The following RGS7 variants were observed in gnomAD, a reference collection of about 807,000 sequenced individuals.
RGS7 encodes regulator of G protein signaling 7.
In RGS7, 27 loss-of-function variants were observed where a neutral mutation model predicts 81.1. The ratio of observed to expected loss-of-function variants is 0.33; its 90% confidence interval spans 0.25 to 0.46. The LOEUF is 0.46. Ranked by LOEUF, RGS7 falls within the 20% of genes least tolerant of loss-of-function variation. The probability of loss-of-function intolerance (pLI) is 1.00; values close to 1 mark genes in which losing one functional copy is unlikely to be tolerated. For missense variants in RGS7, 396 were observed against 607.4 expected (o/e 0.65, Z 3.66); for synonymous variants, 208 against 207.7 (o/e 1.00, Z -0.01).
chr1:241,294,907 C>T (rs2079308627), intron 2 of RGS7, among the ~76,000 whole-genome samples: 2 of 152,114 alleles, frequency 1.3e-5, no homozygotes, highest in South Asian at 4.1e-4. Flanking sequence ...TGTTAGTCAA[C>T]TAAAGAAACA....
intron 6 of RGS7, among the ~76,000 whole-genome samples, chr1:240,871,574 C>T (rs537312153): frequency 8.5e-5 from 13 of 152,130 alleles, no homozygotes; most frequent in Non-Finnish European, 1.3e-4. Context: ...TATTGTTCTA[C>T]TAATATTAGT....
chr1:241,308,277 G>C (rs914184155), intron 2 of RGS7, among the ~76,000 whole-genome samples: 1 of 152,172 alleles, frequency 6.6e-6, no homozygotes, highest in Non-Finnish European at 1.5e-5. Context: ...AGTCCATTGA[G>C]AATAGAAGTA....
At chr1:241,263,852 G>C (rs189125662) in intron 2 of RGS7, among the ~76,000 whole-genome samples, 3 of 152,150 alleles carry the variant, frequency 2.0e-5, no homozygotes, top group Non-Finnish European at 2.9e-5. Context: ...CAGAAAGAGG[G>C]AACCAGGCCT....
At chr1:240,832,533 T>C (rs1694017757) in intron 9 of RGS7, among the ~76,000 whole-genome samples, 1 of 151,882 alleles carries the variant, frequency 6.6e-6, no homozygotes, top group South Asian at 2.1e-4. Flanking sequence ...GAAGCTGGAG[T>C]TTTTGGTTTC....
Position 241,092,711 on chromosome 1 carries a change from G to A in RGS7, c.175+5955C>T, listed in dbSNP as rs74625073. ...AGATGTATATCCCCACTTGTATGGG[G>A]CAGATTCCGGGCAAAACCACTCCTT... is the stretch of plus-strand genomic sequence containing the variant. On this transcript the variant is annotated intron_variant, in intron 3 of 18. Coordinates refer to ENST00000440928, the MANE Select transcript of RGS7 (RefSeq NM_001364886.1). Among the ~76,000 whole-genome samples the A allele has an allele frequency of 3.3e-3, 497 of 152,186 alleles. 7 individuals carry two copies. The highest frequency in any genetic ancestry group is 0.018 in the Admixed American group (272 of 15,270).
chr1:240,933,016 T>C (rs1453539043), intron 5 of RGS7, among the ~76,000 whole-genome samples: 8 of 148,724 alleles, frequency 5.4e-5, no homozygotes, highest in South Asian at 2.1e-4. Context: ...CCCGAGTAGC[T>C]GGGACTACAG....
chr1:240,823,351 G>A, intron 10 of RGS7: 1 of 509,104 alleles, frequency 2.0e-6, no homozygotes, highest in South Asian at 1.8e-5. Context: ...TGGAAAATTA[G>A]CTGCGGAGAT....
intron 2 of RGS7, among the ~76,000 whole-genome samples, chr1:241,130,627 T>C (rs935978196): frequency 3.3e-5 from 5 of 152,040 alleles, no homozygotes; most frequent in Admixed American, 3.3e-4. Context: ...TATTTCTGAG[T>C]TGATAACTCT....
At chr1:241,067,994 G>A (rs765826268) in intron 3 of RGS7, among the ~76,000 whole-genome samples, 2 of 151,522 alleles carry the variant, frequency 1.3e-5, no homozygotes, top group Admixed American at 1.3e-4. Context: ...CTGAGTCCAA[G>A]AAAATGAAAC....
chr1:241,339,915 A>G (rs1459271968), intron 2 of RGS7, among the ~76,000 whole-genome samples: 1 of 152,220 alleles, frequency 6.6e-6, no homozygotes, highest in African/African-American at 2.4e-5. Flanking sequence ...GGGAAAAAAT[A>G]CCAAGGACAG....
At chr1:240,780,138 C>T (rs545188676) in intron 18 of RGS7, among the ~76,000 whole-genome samples, 1 of 152,116 alleles carries the variant, frequency 6.6e-6, no homozygotes, top group South Asian at 2.1e-4. Context: ...TGAGACTGAA[C>T]AATTTATATT....
chr1:241,159,514 C>T (rs114818963), intron 2 of RGS7, among the ~76,000 whole-genome samples: 1 of 152,070 alleles, frequency 6.6e-6, no homozygotes. Context: ...ATCCACCCAC[C>T]CACTCACCTA....
intron 2 of RGS7, among the ~76,000 whole-genome samples, chr1:241,333,085 G>A (rs953250217): frequency 1.4e-4 from 22 of 152,150 alleles, no homozygotes; most frequent in East Asian, 7.7e-4. Context: ...GGTCTTTCAG[G>A]GACAGGAAAA....
intron 2 of RGS7, among the ~76,000 whole-genome samples, chr1:241,179,394 A>C (rs2103301274): frequency 6.6e-6 from 1 of 152,148 alleles, no homozygotes; most frequent in Admixed American, 6.5e-5. Context: ...CACCAGGCAG[A>C]TTTTTTAAAC....
intron 2 of RGS7, among the ~76,000 whole-genome samples, chr1:241,266,049 C>T (rs190023103): frequency 2.0e-5 from 3 of 152,254 alleles, no homozygotes; most frequent in East Asian, 3.9e-4. Flanking sequence ...CTACCTCGGC[C>T]TCCCAAAGTG....
chr1:240,994,274 C>G (rs1686946740), intron 3 of RGS7, among the ~76,000 whole-genome samples: 1 of 152,112 alleles, frequency 6.6e-6, no homozygotes, highest in Admixed American at 6.5e-5. Flanking sequence ...TTGGGGAGAA[C>G]TGGCTTTTAT....
chr1:241,258,859 A>G (rs913441737), intron 2 of RGS7, among the ~76,000 whole-genome samples: 17 of 152,240 alleles, frequency 1.1e-4, no homozygotes, highest in African/African-American at 3.9e-4. Flanking sequence ...GATAATTCAC[A>G]GAGTATTATC....
At chr1:241,080,535 T>C (rs2148894525) in intron 3 of RGS7, among the ~76,000 whole-genome samples, 1 of 152,282 alleles carries the variant, frequency 6.6e-6, no homozygotes, top group East Asian at 1.9e-4. Context: ...CTGGAGGTGG[T>C]AATAAAGTCA....
intron 3 of RGS7, among the ~76,000 whole-genome samples, chr1:240,998,123 T>A (rs550125184): frequency 3.9e-5 from 6 of 152,336 alleles, no homozygotes; most frequent in African/African-American, 1.4e-4. Context: ...GGAAAAATTT[T>A]GTGGCACTTT....
Sources: gnomAD v4.1 joint callset for allele counts (sites outside exome capture counted in the v4.1 genomes callset) on GRCh38, gnomAD v4.1.1 for gene constraint, MANE v1.5 for transcripts, NCBI Gene and HGNC (gene_info 2026-07-23, HGNC 2026-07-21) for gene names.